Variants in TGFBR1 observed in about 807,000 individuals in gnomAD.
TGFBR1 encodes TGF-beta receptor type-1.
In TGFBR1, 20 loss-of-function variants were observed where a neutral mutation model predicts 55.1. The observed-to-expected ratio is 0.36, with a 90% CI of 0.26 to 0.53. The LOEUF is 0.53. Ranked by LOEUF, TGFBR1 falls within the 20% of genes least tolerant of loss-of-function variation. The pLI is 0.91. For synonymous variants in TGFBR1, 220 were observed against 214.8 expected, an observed-to-expected ratio of 1.02 and a Z score of -0.21; for missense variants, 385 against 617.6, an observed-to-expected ratio of 0.62 and a Z score of 3.99.
At chr9:99,141,550 A>C (rs1827616127) in intron 4 of TGFBR1, among the ~76,000 whole-genome samples, 1 of 152,218 alleles carries the variant, frequency 6.6e-6, no homozygotes, top group Admixed American at 6.5e-5. Context: ...TTACAAAGTA[A>C]GACTTTATTC....
intron 4 of TGFBR1, among the ~76,000 whole-genome samples, chr9:99,141,525 T>G (rs1827615915): frequency 6.6e-6 from 1 of 152,220 alleles, no homozygotes; most frequent in Non-Finnish European, 1.5e-5. Context: ...TTCCGTTTTT[T>G]AAATCTTAAC....
intron 2 of TGFBR1, 42 bp downstream of exon 2, chr9:99,129,142 ACT>A (rs1264215147): frequency 5.6e-6 from 9 of 1,596,776 alleles, no homozygotes; most frequent in Non-Finnish European, 7.7e-6. Flanking sequence ...TACAAGAAAA[ACT>A]CTTCATACTC....
At chr9:99,112,985 C>A (rs935821641) in intron 1 of TGFBR1, among the ~76,000 whole-genome samples, 2 of 152,164 alleles carry the variant, frequency 1.3e-5, no homozygotes, top group Non-Finnish European at 2.9e-5. Flanking sequence ...TCCTAAAACG[C>A]TACCTTAAAT....
At position 99,151,473 on chromosome 9, in the gene TGFBR1, T is replaced by C. The variant is rs1827979093; in HGVS notation, c.*2168T>C. 4.5e-6 allele frequency: 1 copy of C among 224,440 alleles called. No individual in the cohort carries two copies. Among genetic ancestry groups the C allele is most frequent in the South Asian group, 1.9e-4 (1 of 5,394 alleles). The allele number at this position is 224,440 out of a possible 1,614,324, so 13.9% of individuals were successfully genotyped here. On this transcript the variant is annotated 3_prime_UTR_variant, in exon 9 of 9. Transcript: ENST00000374994. ...TGCTTTATGAAATCCAGGGGACCAATGCATTTTATCACTAAAACTATTTTT... is the reference window on the plus strand; with the variant it reads ...TGCTTTATGAAATCCAGGGGACCAACGCATTTTATCACTAAAACTATTTTT...
chr9:99,149,189 GT>G lies in TGFBR1; in HGVS notation c.1397del (p.Val466GlufsTer6). On this transcript the variant is annotated frameshift_variant, in exon 9 of 9. Transcript: ENST00000374994. LOFTEE classifies it high-confidence loss of function. ...NRWQSCEALRVMAKIMRECWY... is the reference protein window; with the variant it reads ...NRWQSCEALRXMAKIMRECWY... ...TTATATTTTCTTGTAGGCCTTGAGA[GT>G]AATGGCTAAAATTATGAGAGAATGT... 6.2e-7 allele frequency: 1 copy of G among 1,610,498 alleles called. No individual in the cohort carries two copies. Among genetic ancestry groups the G allele is most frequent in the Non-Finnish European group, 8.5e-7 (1 of 1,178,080 alleles).
chr9:99,149,576 A>G lies in TGFBR1; in HGVS notation c.*271A>G. 1 of 438,626 alleles carries G rather than the reference A, an allele frequency of 2.3e-6. No individual in the cohort carries two copies. Among genetic ancestry groups the G allele is most frequent in the Non-Finnish European group, 4.2e-6 (1 of 238,248 alleles). The allele number at this position is 438,626 out of a possible 1,614,324, so 27.2% of individuals were successfully genotyped here. A position where few individuals can be genotyped will look rare whatever the true frequency, so the allele number is the denominator to read the frequency against. ...TTTTTATTAACAAAACTTGTTTTTT[A>G]AAAAGATGATTGCTGGTCTTAACTT... is the stretch of plus-strand genomic sequence containing the variant. On this transcript the variant is annotated 3_prime_UTR_variant, in exon 9 of 9. Transcript: ENST00000374994.
chr9:99,146,645 G>A, intron 7 of TGFBR1, 36 bp downstream of exon 7: 2 of 1,613,582 alleles, frequency 1.2e-6, no homozygotes, highest in Non-Finnish European at 1.7e-6. Context: ...AGTTTGTCAT[G>A]AGCAGAAGTT....
At chr9:99,105,730 C>T (rs1238595740) in intron 1 of TGFBR1, among the ~76,000 whole-genome samples, 1 of 152,200 alleles carries the variant, frequency 6.6e-6, no homozygotes, top group African/African-American at 2.4e-5. Flanking sequence ...CTGGGGACCC[C>T]CGCCCCAAGA....
intron 1 of TGFBR1, chr9:99,128,574 G>T: frequency 1.5e-5 from 7 of 481,182 alleles, no homozygotes; most frequent in East Asian, 4.9e-5. Context: ...TGATGAAATT[G>T]AACATAACAA....
At chr9:99,115,169 A>G (rs1165637555) in intron 1 of TGFBR1, among the ~76,000 whole-genome samples, 2 of 152,168 alleles carry the variant, frequency 1.3e-5, no homozygotes, top group Non-Finnish European at 2.9e-5. Context: ...TTTATCACTC[A>G]TGATTTGTAA....
chr9:99,104,537 G>A (rs562752150), upstream of TGFBR1, among the ~76,000 whole-genome samples: 2 of 152,238 alleles, frequency 1.3e-5, no homozygotes, highest in African/African-American at 4.8e-5. Flanking sequence ...GCATGTGAAG[G>A]GCACTGAGGA....
At chr9:99,111,295 CT>C (rs3034196) in intron 1 of TGFBR1, among the ~76,000 whole-genome samples, 230 of 55,126 alleles carry the variant, frequency 4.2e-3, no homozygotes, top group African/African-American at 9.7e-3. Flanking sequence ...TGCACCCATG[CT>C]TTTTTTTTTT....
chr9:99,129,199 G>A (rs1827137973), intron 2 of TGFBR1, 99 bp downstream of exon 2: 2 of 1,374,514 alleles, frequency 1.5e-6, no homozygotes, highest in Non-Finnish European at 1.0e-6. Flanking sequence ...GTCTAATCCA[G>A]CTCATTCCGT....
chr9:99,123,588 G>A (rs931765366), intron 1 of TGFBR1, among the ~76,000 whole-genome samples: 1 of 152,096 alleles, frequency 6.6e-6, no homozygotes, highest in Non-Finnish European at 1.5e-5. Flanking sequence ...ATTCACATCC[G>A]CCTGTAATCT....
intron 1 of TGFBR1, chr9:99,128,638 G>A (rs1239759933): frequency 4.3e-6 from 3 of 702,330 alleles, no homozygotes; most frequent in Non-Finnish European, 7.4e-6. Context: ...GGGTCCAAAT[G>A]TTGCTACATT....
rs1446154810 is a variant in TGFBR1 at position 99,149,343 on chromosome 9, A to T, written c.*38A>T. The T allele has an allele frequency of 6.2e-7, 1 of 1,612,198 alleles. No individual in the cohort carries two copies. Among genetic ancestry groups the T allele is most frequent in the East Asian group, 2.2e-5 (1 of 44,834 alleles). On this transcript the variant is annotated 3_prime_UTR_variant, in exon 9 of 9. Coordinates refer to ENST00000374994, the MANE Select transcript of TGFBR1 (RefSeq NM_004612.4). ...GCCTGAACTCTCCTTTTTTCTTCAG[A>T]TCTGCTCCTGGGTTTTAATTTGGGA...
chr9:99,106,381 A>G (rs1826415172), intron 1 of TGFBR1, among the ~76,000 whole-genome samples: 1 of 152,250 alleles, frequency 6.6e-6, no homozygotes, highest in Admixed American at 6.5e-5. Context: ...GTTAGCAACT[A>G]AAATGCAGTG....
At chr9:99,113,180 C>T (rs1425010357) in intron 1 of TGFBR1, among the ~76,000 whole-genome samples, 1 of 152,170 alleles carries the variant, frequency 6.6e-6, no homozygotes, top group Non-Finnish European at 1.5e-5. Context: ...TCAGACAGTG[C>T]TGCTTTCTCT....
chr9:99,146,050 G>A, intron 6 of TGFBR1: 1 of 265,486 alleles, frequency 3.8e-6, no homozygotes. Context: ...ATTTTGGTAG[G>A]TTTTTGAAGC....
Sources: gnomAD v4.1 joint callset for allele counts (sites outside exome capture counted in the v4.1 genomes callset) on GRCh38, gnomAD v4.1.1 for gene constraint, MANE v1.5 for transcripts, NCBI Gene and HGNC (gene_info 2026-07-23, HGNC 2026-07-21) for gene names.